The following TCF7L2 variants were observed in gnomAD, a reference collection of about 807,000 sequenced individuals.
TCF7L2 encodes the protein transcription factor 7 like 2.
TCF7L2 carries 23 observed loss-of-function variants against 77.9 expected under a neutral mutation model. That is an observed-to-expected ratio of 0.30 (90% CI 0.21 to 0.42). The LOEUF (loss-of-function observed/expected upper bound fraction) is 0.42. Among genes scored for constraint, TCF7L2 ranks in the 10% least tolerant of loss-of-function variants. The probability of loss-of-function intolerance (pLI) is 1.00; values close to 1 mark genes in which losing one functional copy is unlikely to be tolerated. For synonymous variants in TCF7L2, 413 were observed against 340.2 expected (o/e 1.21, Z -2.36); for missense variants, 654 against 793.1 (o/e 0.82, Z 2.11).
chr10:113,098,951 A>C (rs527451977), intron 5 of TCF7L2, among the ~76,000 whole-genome samples: 1 of 152,238 alleles, frequency 6.6e-6, no homozygotes, highest in East Asian at 1.9e-4. Flanking sequence ...CACTTCATCC[A>C]TTCCAGGGCC....
chr10:113,001,466 G>A (rs1452903102), intron 4 of TCF7L2, among the ~76,000 whole-genome samples: 1 of 152,124 alleles, frequency 6.6e-6, no homozygotes, highest in Non-Finnish European at 1.5e-5. Context: ...GCTGGGTTAC[G>A]GAGCCCACAT....
intron 3 of TCF7L2, among the ~76,000 whole-genome samples, chr10:112,954,869 A>G (rs2033092892): frequency 6.6e-6 from 1 of 152,220 alleles, no homozygotes; most frequent in Non-Finnish European, 1.5e-5. Flanking sequence ...GGTTGAACAG[A>G]TAAATAAGCT....
At chr10:113,071,844 T>C (rs560154194) in intron 5 of TCF7L2, among the ~76,000 whole-genome samples, 2 of 151,932 alleles carry the variant, frequency 1.3e-5, no homozygotes, top group South Asian at 4.2e-4. Context: ...CTTGGAGGAC[T>C]CCCCCCCACC....
chr10:113,065,648 T>TAGA (rs2057149441), intron 5 of TCF7L2, among the ~76,000 whole-genome samples: 1 of 152,184 alleles, frequency 6.6e-6, no homozygotes, highest in African/African-American at 2.4e-5. Flanking sequence ...CCTCTGGCTT[T>TAGA]AGAGATGGAC....
At chr10:112,995,289 C>T (rs1468980234) in intron 4 of TCF7L2, among the ~76,000 whole-genome samples, 1 of 152,106 alleles carries the variant, frequency 6.6e-6, no homozygotes, top group Non-Finnish European at 1.5e-5. Flanking sequence ...TTCGGCCTTA[C>T]GTTTTTTTGT....
chr10:113,152,373 A>C lies in TCF7L2; in HGVS notation c.1202A>C (p.Glu401Ala), dbSNP rs2137179007. Residue 401 changes from glutamate to alanine, a missense_variant, in exon 11 of 14, where the codon GAG becomes GCG. Glu to Ala is a moderately radical substitution (Grantham distance 107). This residue lies in a region of TCF7L2 where 31 missense variants were observed against 116.1 expected (regional missense o/e 0.27). Coordinates refer to ENST00000627217, the MANE Select transcript of TCF7L2 (RefSeq NM_001146274.2). ...AGAGAAGAGCAAGCGAAATACTACG[A>C]GCTGGCCCGGAAGGAGCGACAGCTT... 1 of 1,614,174 alleles carries C rather than the reference A, an allele frequency of 6.2e-7. No individual in the cohort carries two copies. Among genetic ancestry groups the C allele is most frequent in the South Asian group, 1.1e-5 (1 of 91,082 alleles).
intron 5 of TCF7L2, among the ~76,000 whole-genome samples, chr10:113,111,603 G>A (rs914765140): frequency 2.6e-5 from 4 of 152,124 alleles, no homozygotes; most frequent in Admixed American, 6.6e-5. Flanking sequence ...ACCAGCCTGG[G>A]CAGCATGGTG....
At chr10:113,155,181 C>G (rs111608543) in intron 11 of TCF7L2, among the ~76,000 whole-genome samples, 2 of 152,092 alleles carry the variant, frequency 1.3e-5, no homozygotes, top group African/African-American at 4.8e-5. Context: ...GTGAAACAGT[C>G]ACGTTTGGAT....
In TCF7L2 at chr10:113,109,431, G is replaced by A. The variant is rs7080669; in HGVS notation, c.553-31753G>A. On this transcript the variant is annotated intron_variant, in intron 5 of 13. Coordinates refer to ENST00000627217, the MANE Select transcript of TCF7L2 (RefSeq NM_001146274.2). ...AGACAGGACAGGCTCTGGCTCTGTC[G>A]CCCAGGCTGGAGTGCAGTGGTGCAA... Among the ~76,000 whole-genome samples, 647 of 152,158 alleles carry A rather than the reference G, an allele frequency of 4.3e-3. 5 individuals carry two copies. The highest frequency in any genetic ancestry group is 0.015 in the African/African-American group (624 of 41,490).
chr10:113,141,481 T>C (rs2068371694), intron 6 of TCF7L2, among the ~76,000 whole-genome samples, 165 bp downstream of exon 6: 1 of 152,120 alleles, frequency 6.6e-6, no homozygotes, highest in Non-Finnish European at 1.5e-5. Context: ...GGAAGCTCTT[T>C]GGGGTGGTTG....
Position 113,165,890 on chromosome 10 carries a change from C to A in TCF7L2, c.1727C>A (p.Ser576Ter), listed in dbSNP as rs1468304465. The A allele has an allele frequency of 6.2e-7, 1 of 1,601,842 alleles. No homozygotes were observed. The highest frequency in any genetic ancestry group is 1.1e-5 in the South Asian group (1 of 89,974). The change falls in exon 14 of 14, where the codon TCG becomes TAG. Residue 576 changes from serine (S) to a stop codon, truncating the protein, a stop_gained. Transcript: ENST00000627217. LOFTEE classifies it high-confidence loss of function. ...CCCTCCTCATCAATTGCACAGCCGTCGACTTCTTCCTTACATTCCCACAGC... is the reference window on the plus strand; with the variant it reads ...CCCTCCTCATCAATTGCACAGCCGTAGACTTCTTCCTTACATTCCCACAGC...
chr10:113,094,306 T>C (rs1362132472), intron 5 of TCF7L2, among the ~76,000 whole-genome samples: 2 of 152,258 alleles, frequency 1.3e-5, no homozygotes, highest in Non-Finnish European at 2.9e-5. Context: ...GTCTGATTTC[T>C]AAAAAGCATG....
Position 113,166,577 on chromosome 10 carries a change from G to C in TCF7L2, c.*605G>C, listed in dbSNP as rs1050580143. 4.4e-6 allele frequency: 1 copy of C among 228,042 alleles called. No individual in the cohort carries two copies. Among genetic ancestry groups the C allele is most frequent in the African/African-American group, 2.2e-5 (1 of 45,018 alleles). The allele number at this position is 228,042 out of a possible 1,614,324, so 14.1% of individuals were successfully genotyped here. A position where few individuals can be genotyped will look rare whatever the true frequency, so the allele number is the denominator to read the frequency against. On this transcript the variant is annotated 3_prime_UTR_variant, in exon 14 of 14. Coordinates refer to ENST00000627217, the MANE Select transcript of TCF7L2 (RefSeq NM_001146274.2). ...GTTCCATGGTGTTGTTCTTTTGGGG[G>C]GAGGGGACGCTACTCAACACTTAAT...
intron 4 of TCF7L2, among the ~76,000 whole-genome samples, chr10:112,980,617 G>A (rs1400688296): frequency 6.6e-6 from 1 of 151,674 alleles, no homozygotes; most frequent in Admixed American, 6.6e-5. Flanking sequence ...GAATCCAGCG[G>A]CATTTGTTTC....
intron 4 of TCF7L2, among the ~76,000 whole-genome samples, chr10:113,036,549 G>A (rs1309652318): frequency 2.0e-5 from 3 of 152,220 alleles, no homozygotes; most frequent in Middle Eastern, 3.4e-3. Context: ...CAGGTCCAAA[G>A]CTTAACTTAA....
At chr10:112,996,093 C>T (rs962145704) in intron 4 of TCF7L2, among the ~76,000 whole-genome samples, 1 of 152,104 alleles carries the variant, frequency 6.6e-6, no homozygotes, top group African/African-American at 2.4e-5. Flanking sequence ...GGTGGGCATT[C>T]ATTTACAGAG....
At chr10:113,118,837 A>G (rs2064302314) in intron 5 of TCF7L2, among the ~76,000 whole-genome samples, 2 of 152,204 alleles carry the variant, frequency 1.3e-5, no homozygotes, top group East Asian at 3.9e-4. Context: ...AGAGATAGAC[A>G]TAGGATTAAA....
chr10:113,141,038 G>A (rs1480822192), intron 5 of TCF7L2, 146 bp from the exon 6 acceptor site: 2 of 907,052 alleles, frequency 2.2e-6, no homozygotes, highest in Non-Finnish European at 3.4e-6. Context: ...ATGGACTGGG[G>A]GGAGTATGGG....
rs561243966 is a variant in TCF7L2 at position 113,128,931 on chromosome 10, T to C, written c.553-12253T>C. Among the ~76,000 whole-genome samples, 5 of 152,280 alleles carry C rather than the reference T, an allele frequency of 3.3e-5. No individual in the cohort carries two copies. The East Asian group carries it at 7.7e-4, about 24-fold the overall frequency. ...CTAGCCTTTGCATCCCTCTGCCGTT[T>C]CCCTTCCTTCTCTCTCTCTCTCTTT... On this transcript the variant is annotated intron_variant, in intron 5 of 13. Coordinates refer to ENST00000627217, the MANE Select transcript of TCF7L2 (RefSeq NM_001146274.2).
Sources: gnomAD v4.1 joint callset for allele counts (sites outside exome capture counted in the v4.1 genomes callset) on GRCh38, gnomAD v4.1.1 for gene constraint, gnomAD v4.1.1 regional missense constraint, MANE v1.5 for transcripts, NCBI Gene and HGNC (gene_info 2026-07-23, HGNC 2026-07-21) for gene names.